The following MGA variants were observed in gnomAD, a reference collection of about 807,000 sequenced individuals.
MGA encodes MAX dimerization protein MGA, also known as MAX gene-associated protein.
MGA carries 40 observed loss-of-function variants against 261.1 expected under a neutral mutation model. The ratio of observed to expected loss-of-function variants is 0.15; its 90% CI spans 0.12 to 0.20. MGA has a LOEUF of 0.20. Ranked by LOEUF, MGA falls within the 10% of genes least tolerant of loss-of-function variation. The pLI, the probability that MGA is intolerant of heterozygous loss-of-function variation, is 1.00. For synonymous variants in MGA, 1,302 were observed against 1,290.6 expected, an observed-to-expected ratio of 1.01 and a Z score of -0.19; for missense variants, 3,397 against 3,630.5, an observed-to-expected ratio of 0.94 and a Z score of 1.65.
chr15:41,664,966 T>G (rs914939804), intron 1 of MGA, among the ~76,000 whole-genome samples: 12 of 152,344 alleles, frequency 7.9e-5, no homozygotes, highest in Non-Finnish European at 1.3e-4. Flanking sequence ...GGAGAGATTT[T>G]TTGTTGTTGT....
At chr15:41,681,069 A>G (rs910445693) in intron 2 of MGA, among the ~76,000 whole-genome samples, 77 of 152,332 alleles carry the variant, frequency 5.1e-4, no homozygotes, top group African/African-American at 1.8e-3. Flanking sequence ...CAAAGATTTT[A>G]GAAGCTTTGT....
chr15:41,679,227 G>A (rs2058541341), intron 2 of MGA, among the ~76,000 whole-genome samples: 1 of 152,044 alleles, frequency 6.6e-6, no homozygotes, highest in Non-Finnish European at 1.5e-5. Context: ...AGTGGAGATG[G>A]GGTTTCACCA....
intron 9 of MGA, among the ~76,000 whole-genome samples, chr15:41,726,310 G>A (rs575461049): frequency 7.9e-5 from 12 of 152,296 alleles, no homozygotes; most frequent in African/African-American, 2.9e-4. Flanking sequence ...CCTACCTCAG[G>A]AGTTGTTGGA....
intron 19 of MGA, 155 bp from the exon 20 acceptor site, chr15:41,760,168 A>C (rs974446675): frequency 1.9e-5 from 12 of 648,556 alleles, no homozygotes; most frequent in Non-Finnish European, 3.3e-5. Flanking sequence ...ATTTGAAGGA[A>C]GGATAGACTG....
intron 1 of MGA, among the ~76,000 whole-genome samples, chr15:41,626,238 A>C (rs1016576132): frequency 2.0e-5 from 3 of 151,922 alleles, no homozygotes; most frequent in South Asian, 2.1e-4. Flanking sequence ...TGACATTTTT[A>C]AGCAGTAGGA....
chr15:41,766,018 T>C lies in MGA; in HGVS notation c.7936T>C (p.Phe2646Leu), dbSNP rs760781412. 1.1e-5 allele frequency: 17 copies of C among 1,603,460 alleles called. No individual in the cohort carries two copies. The highest frequency in any genetic ancestry group is 1.4e-5 in the Non-Finnish European group (16 of 1,175,030). The change falls in exon 24 of 24, where the codon TTT becomes CTT. Residue 2646 changes from phenylalanine to leucine, a missense_variant. This residue lies in a region of MGA where 647 missense variants were observed against 642.4 expected (regional missense o/e 1.01). Transcript: ENST00000219905. ...TTGTTTTTCAGAAAATGACGACTTATTTATGATGCCACGAATTGTTAATGT... is the reference window on the plus strand; with the variant it reads ...TTGTTTTTCAGAAAATGACGACTTACTTATGATGCCACGAATTGTTAATGT...
At chr15:41,714,207 CA>C (rs1310449320) in intron 9 of MGA, among the ~76,000 whole-genome samples, 1 of 152,130 alleles carries the variant, frequency 6.6e-6, no homozygotes. Context: ...TCATTTCAAT[CA>C]GAGATGATGA....
At chr15:41,680,702 G>C (rs1343933075) in intron 2 of MGA, among the ~76,000 whole-genome samples, 1 of 152,206 alleles carries the variant, frequency 6.6e-6, no homozygotes, top group Non-Finnish European at 1.5e-5. Flanking sequence ...CTCACATGCA[G>C]AGCTTCCATG....
At chr15:41,765,281 A>G (rs1019897675) in intron 23 of MGA, among the ~76,000 whole-genome samples, 2 of 152,198 alleles carry the variant, frequency 1.3e-5, no homozygotes, top group African/African-American at 4.8e-5. Flanking sequence ...TTTTGTGAAC[A>G]CTAGTAATTT....
intron 1 of MGA, among the ~76,000 whole-genome samples, chr15:41,629,497 C>A (rs1035424224): frequency 6.6e-6 from 1 of 151,800 alleles, no homozygotes; most frequent in South Asian, 2.1e-4. Context: ...GGGATGTCAT[C>A]GATACATTGA....
At chr15:41,730,120 C>T (rs1359037703) in intron 11 of MGA, among the ~76,000 whole-genome samples, 1 of 152,152 alleles carries the variant, frequency 6.6e-6, no homozygotes, top group African/African-American at 2.4e-5. Flanking sequence ...TCTCGAACTC[C>T]TGACCTCTGA....
intron 1 of MGA, among the ~76,000 whole-genome samples, chr15:41,654,830 A>G (rs2057131691): frequency 6.6e-6 from 1 of 152,176 alleles, no homozygotes; most frequent in Non-Finnish European, 1.5e-5. Flanking sequence ...TTCCCTTTAG[A>G]ATTTAGTAAA....
intron 3 of MGA, among the ~76,000 whole-genome samples, chr15:41,698,178 T>TG (rs1358828087): frequency 6.7e-6 from 1 of 148,428 alleles, no homozygotes; most frequent in African/African-American, 2.5e-5. Context: ...CCTCTTTTTT[T>TG]TTTTTTTTTT....
chr15:41,703,571 C>T (rs1163743524), intron 5 of MGA, among the ~76,000 whole-genome samples: 1 of 151,892 alleles, frequency 6.6e-6, no homozygotes, highest in Non-Finnish European at 1.5e-5. Flanking sequence ...GATGAAACTC[C>T]ATCTCTACTA....
At chr15:41,760,585 A>T in intron 20 of MGA, 56 bp downstream of exon 20, 3 of 1,550,000 alleles carry the variant, frequency 1.9e-6, no homozygotes, top group Admixed American at 3.4e-5. Flanking sequence ...CTTACCGATG[A>T]TATGAGAAAG....
At chr15:41,707,641 T>C (rs2060190398) in intron 5 of MGA, 87 bp from the exon 6 acceptor site, 2 of 1,281,936 alleles carry the variant, frequency 1.6e-6, no homozygotes, top group Non-Finnish European at 1.1e-6. Flanking sequence ...CCCCCCGCCA[T>C]CTCCCAGGCA....
At position 41,669,306 on chromosome 15, in the gene MGA, A is replaced by G; in HGVS notation, c.412A>G (p.Asn138Asp). 1 of 1,613,984 alleles carries G rather than the reference A, an allele frequency of 6.2e-7. No individual in the cohort carries two copies. The highest frequency in any genetic ancestry group is 2.2e-5 in the East Asian group (1 of 44,880). The change falls in exon 2 of 24, where the codon AAT becomes GAT. Residue 138 changes from asparagine to aspartate, a missense_variant. Asn to Asp is a conservative substitution (Grantham distance 23, BLOSUM62 1). Coordinates refer to ENST00000219905, the MANE Select transcript of MGA (RefSeq NM_001164273.2). ...TGTGGATAACCATCGTTATAAGTGGAATGGTCGTTGGTGGGAACCTAGTGG... is the reference window on the plus strand; with the variant it reads ...TGTGGATAACCATCGTTATAAGTGGGATGGTCGTTGGTGGGAACCTAGTGG...
At chr15:41,714,909 A>T (rs2060549946) in intron 9 of MGA, among the ~76,000 whole-genome samples, 2 of 152,118 alleles carry the variant, frequency 1.3e-5, no homozygotes, top group Non-Finnish European at 2.9e-5. Context: ...TTTATTGACC[A>T]TTTATCATAA....
Position 41,734,558 on chromosome 15 carries a change from A to G in MGA, c.3880A>G (p.Thr1294Ala), listed in dbSNP as rs1769749800. 1 of 1,609,022 alleles carries G rather than the reference A, an allele frequency of 6.2e-7. No individual in the cohort carries two copies. Among genetic ancestry groups the G allele is most frequent in the Non-Finnish European group, 8.5e-7 (1 of 1,177,386 alleles). The change falls in exon 12 of 24, where the codon ACC (threonine) becomes GCC (alanine). Residue 1294 changes from threonine (T) to alanine (A), a missense_variant. Physicochemically the swap from Thr to Ala is moderately conservative, Grantham distance 58. Transcript: ENST00000219905. ...TGAACAGCAGCCCTTAAAACAACTC[A>G]CCTGTGACTTGGAGGATGATTCTGA...
Sources: allele counts gnomAD v4.1 joint callset (sites outside exome capture counted in the v4.1 genomes callset), GRCh38; gene constraint gnomAD v4.1.1; regional missense constraint gnomAD v4.1.1; transcripts MANE v1.5; gene names NCBI Gene and HGNC (gene_info 2026-07-23, HGNC 2026-07-21).